Variants in SLC25A20 observed in about 807,000 individuals in gnomAD.
The protein encoded by SLC25A20 is solute carrier family 25 member 20.
A neutral mutation model predicts 39.7 loss-of-function variants in SLC25A20; 29 were observed. The ratio of observed to expected loss-of-function variants is 0.73; its 90% CI spans 0.54 to 1.00. SLC25A20 has a LOEUF of 1.00. Ranked by LOEUF, SLC25A20 falls within the 50% of genes least tolerant of loss-of-function variation. The probability of loss-of-function intolerance (pLI) is 0.00; values close to 1 mark genes in which losing one functional copy is unlikely to be tolerated. For synonymous variants in SLC25A20, 103 were observed against 142.2 expected (o/e 0.72, Z 1.96); for missense variants, 333 against 379.9 (o/e 0.88, Z 1.03).
At chr3:48,894,744 T>C (rs1000414178) in intron 1 of SLC25A20, among the ~76,000 whole-genome samples, 12 of 152,132 alleles carry the variant, frequency 7.9e-5, no homozygotes, top group African/African-American at 1.4e-4. Flanking sequence ...TCCTGCCTCA[T>C]TGGAGGAAAC....
chr3:48,866,731 A>G (rs1339995783), intron 4 of SLC25A20, among the ~76,000 whole-genome samples: 1 of 70,144 alleles, frequency 1.4e-5, no homozygotes, highest in Admixed American at 1.5e-4. Context: ...CCTGTGCTCA[A>G]ACGATCCTCC....
chr3:48,895,500 T>C lies in SLC25A20; in HGVS notation c.105+3190A>G, dbSNP rs552915193. 2.6e-5 allele frequency among the ~76,000 whole-genome samples: 4 copies of C among 152,384 alleles called. No individual in the cohort carries two copies. The South Asian group carries it at 8.3e-4, about 32-fold the overall frequency. ...CAAATCCTTCTCAAGGTTGCTATTA[T>C]ACTAACCTTTCCAAAACATCATTTT... On this transcript the variant is annotated intron_variant, in intron 1 of 8. Transcript: ENST00000319017.
intron 4 of SLC25A20, among the ~76,000 whole-genome samples, chr3:48,863,332 C>G (rs193241228): frequency 6.6e-6 from 1 of 152,268 alleles, no homozygotes; most frequent in Admixed American, 6.5e-5. Flanking sequence ...AACTGCATTC[C>G]AAGCCTACCT....
At position 48,857,349 on chromosome 3, in the gene SLC25A20, G is replaced by T; in HGVS notation, c.*361C>A. 1 of 301,798 alleles carries T rather than the reference G, an allele frequency of 3.3e-6. No individual in the cohort carries two copies. Among genetic ancestry groups the T allele is most frequent in the Non-Finnish European group, 6.5e-6 (1 of 154,074 alleles). 18.7% of individuals were successfully genotyped at this position (301,798 alleles called of 1,614,324 possible). ...GTTGAAAATATGCACAGTGCCTCCA[G>T]TGAGAACCTGAGATTCTCTCTTTAA... On this transcript the variant is annotated 3_prime_UTR_variant, in exon 9 of 9. Coordinates refer to ENST00000319017, the MANE Select transcript of SLC25A20 (RefSeq NM_000387.6).
At chr3:48,861,313 T>C (rs2083625802) in intron 5 of SLC25A20, among the ~76,000 whole-genome samples, 1 of 152,134 alleles carries the variant, frequency 6.6e-6, no homozygotes, top group South Asian at 2.1e-4. Flanking sequence ...CCTTCAGGGA[T>C]TCTTGAGAAG....
At chr3:48,867,047 G>A (rs574617934) in intron 4 of SLC25A20, among the ~76,000 whole-genome samples, 2 of 151,910 alleles carry the variant, frequency 1.3e-5, no homozygotes, top group South Asian at 2.1e-4. Context: ...CACCCGCCTC[G>A]GCCACCCAAA....
rs752042051 is a variant in SLC25A20 at position 48,884,022 on chromosome 3, G to A, written c.301C>T (p.Gln101Ter). The A allele has an allele frequency of 1.5e-5, 24 of 1,613,752 alleles. No homozygotes were observed. The highest frequency in any genetic ancestry group is 1.9e-5 in the Non-Finnish European group (23 of 1,179,866). ...FGFGLGKKLQQKHPEDVLSYP... is the reference protein window; with the variant it reads ...FGFGLGKKLQ ...CTGAGCACATCTTCTGGGTGTTTCT[G>A]TTGTAGTTTCTTCCCCAAACCAAAC... Residue 101 changes from glutamine to a stop codon, truncating the protein, a stop_gained, in exon 3 of 9, where the codon CAG becomes TAG. Coordinates refer to ENST00000319017, the MANE Select transcript of SLC25A20 (RefSeq NM_000387.6). LOFTEE classifies it high-confidence loss of function.
intron 3 of SLC25A20, among the ~76,000 whole-genome samples, chr3:48,881,734 C>T (rs1207983959): frequency 1.3e-5 from 2 of 152,072 alleles, no homozygotes; most frequent in East Asian, 1.9e-4. Flanking sequence ...AGTGACCCCA[C>T]GGGGGTCATG....
chr3:48,882,167 A>T (rs1269138427), intron 3 of SLC25A20, among the ~76,000 whole-genome samples: 2 of 151,962 alleles, frequency 1.3e-5, no homozygotes, highest in Non-Finnish European at 2.9e-5. Flanking sequence ...CAATATTTCC[A>T]CTCAGAATTT....
chr3:48,886,065 T>A (rs1198800128), intron 2 of SLC25A20, among the ~76,000 whole-genome samples: 1 of 151,760 alleles, frequency 6.6e-6, no homozygotes, highest in African/African-American at 2.4e-5. Context: ...AGAGAAAAAA[T>A]ATATATAAAG....
At chr3:48,892,471 A>G (rs1014961844) in intron 1 of SLC25A20, among the ~76,000 whole-genome samples, 1 of 152,222 alleles carries the variant, frequency 6.6e-6, no homozygotes, top group East Asian at 1.9e-4. Flanking sequence ...CAGGAGATAT[A>G]TATCAAGAGA....
chr3:48,879,020 A>G (rs1193128958), intron 4 of SLC25A20, among the ~76,000 whole-genome samples: 4 of 151,836 alleles, frequency 2.6e-5, no homozygotes, highest in African/African-American at 9.7e-5. Context: ...ACAGGTGCCC[A>G]CCACTATACC....
chr3:48,892,723 A>G (rs945755170), intron 1 of SLC25A20, among the ~76,000 whole-genome samples: 1 of 152,156 alleles, frequency 6.6e-6, no homozygotes, highest in African/African-American at 2.4e-5. Flanking sequence ...AGGGAGGACA[A>G]TTAGCTTTAA....
chr3:48,862,050 T>C (rs2083632009), intron 5 of SLC25A20, among the ~76,000 whole-genome samples: 1 of 151,854 alleles, frequency 6.6e-6, no homozygotes, highest in African/African-American at 2.4e-5. Context: ...TAAAAATAAG[T>C]AAAAAAATAA....
chr3:48,887,710 T>C (rs372952184), intron 2 of SLC25A20, among the ~76,000 whole-genome samples: 2 of 152,130 alleles, frequency 1.3e-5, no homozygotes, highest in South Asian at 2.1e-4. Context: ...AAGACCGGCC[T>C]GGCCAATATG....
chr3:48,874,789 G>A (rs1024308908), intron 4 of SLC25A20, among the ~76,000 whole-genome samples: 1 of 152,000 alleles, frequency 6.6e-6, no homozygotes, highest in Non-Finnish European at 1.5e-5. Context: ...GCTCACACCT[G>A]TAATCTCAGC....
intron 2 of SLC25A20, among the ~76,000 whole-genome samples, chr3:48,886,154 G>A (rs570406136): frequency 6.6e-6 from 1 of 152,128 alleles, no homozygotes; most frequent in East Asian, 1.9e-4. Flanking sequence ...CAGAAGGAGG[G>A]GATAGGGAGA....
At chr3:48,858,390 A>T in intron 8 of SLC25A20, 117 bp downstream of exon 8, 1 of 1,448,956 alleles carries the variant, frequency 6.9e-7, no homozygotes, top group Non-Finnish European at 9.6e-7. Context: ...CTCTGGCTGA[A>T]GATAGGGCTT....
intron 5 of SLC25A20, among the ~76,000 whole-genome samples, chr3:48,861,889 A>G (rs943173578): frequency 1.3e-5 from 2 of 151,990 alleles, no homozygotes; most frequent in Non-Finnish European, 2.9e-5. Context: ...ATAGCCAGAC[A>G]TGGTGGCATG....
Sources: allele counts gnomAD v4.1 joint callset (sites outside exome capture counted in the v4.1 genomes callset), GRCh38; gene constraint gnomAD v4.1.1; transcripts MANE v1.5; gene names NCBI Gene and HGNC (gene_info 2026-07-23, HGNC 2026-07-21).